Variants in FRMPD2 observed in about 807,000 individuals in gnomAD.
The protein encoded by FRMPD2 is FERM and PDZ domain-containing protein 2.
A neutral mutation model predicts 140.1 loss-of-function variants in FRMPD2; 96 were observed. That is an observed-to-expected ratio of 0.69 (90% CI 0.58 to 0.81). The LOEUF (loss-of-function observed/expected upper bound fraction) is 0.81, where lower values mean the gene tolerates loss of function less well. Among genes scored for constraint, FRMPD2 ranks in the 40% least tolerant of loss-of-function variants. The probability of loss-of-function intolerance (pLI) is 0.00; values close to 1 mark genes in which losing one functional copy is unlikely to be tolerated. For missense variants in FRMPD2, 1,240 were observed against 1,447.4 expected (o/e 0.86, Z 2.32); for synonymous variants, 449 against 547.6 (o/e 0.82, Z 2.52).
At chr10:48,243,847 C>G (rs1840182876) in intron 4 of FRMPD2, among the ~76,000 whole-genome samples, 1 of 152,182 alleles carries the variant, frequency 6.6e-6, no homozygotes, top group African/African-American at 2.4e-5. Context: ...CTAGCCAGGT[C>G]AGCTAGGCAG....
At chr10:48,249,246 G>T in intron 2 of FRMPD2, 68 bp from the exon 3 acceptor site, 1 of 1,513,966 alleles carries the variant, frequency 6.6e-7, no homozygotes, top group Non-Finnish European at 9.0e-7. Flanking sequence ...ATGGGACTGT[G>T]CCCAGCAGGT....
At chr10:48,212,147 A>G in intron 12 of FRMPD2, 38 bp from the exon 13 acceptor site, 1 of 1,605,044 alleles carries the variant, frequency 6.2e-7, no homozygotes, top group Non-Finnish European at 8.5e-7. Flanking sequence ...CACAATCCAG[A>G]CACTGGCCGG....
chr10:48,199,960 A>G (rs1252375163), intron 15 of FRMPD2: 3 of 152,142 alleles, frequency 2.0e-5, no homozygotes, highest in African/African-American at 7.2e-5. Flanking sequence ...TATTCTAGAT[A>G]ATGGAGCTCT....
intron 1 of FRMPD2, among the ~76,000 whole-genome samples, chr10:48,254,968 T>C (rs1840460185): frequency 6.6e-6 from 1 of 152,198 alleles, no homozygotes; most frequent in African/African-American, 2.4e-5. Context: ...CATGGTCTGG[T>C]GGGCTGTATC....
chr10:48,218,417 T>C (rs1017266880), intron 12 of FRMPD2, among the ~76,000 whole-genome samples: 1 of 152,178 alleles, frequency 6.6e-6, no homozygotes, highest in African/African-American at 2.4e-5. Context: ...GTGGTGGACA[T>C]GTATTTCTGG....
At chr10:48,229,363 A>G (rs942903511) in intron 10 of FRMPD2, among the ~76,000 whole-genome samples, 3 of 152,142 alleles carry the variant, frequency 2.0e-5, no homozygotes, top group Non-Finnish European at 4.4e-5. Flanking sequence ...TTCTACTTTG[A>G]TCAAGGGTTT....
chr10:48,222,803 C>T (rs535667434), intron 11 of FRMPD2, among the ~76,000 whole-genome samples: 1 of 152,132 alleles, frequency 6.6e-6, no homozygotes, highest in African/African-American at 2.4e-5. Context: ...TCCTCCAACC[C>T]TCATGACTGG....
intron 13 of FRMPD2, among the ~76,000 whole-genome samples, chr10:48,207,746 A>G (rs540428439): frequency 6.6e-6 from 1 of 152,318 alleles, no homozygotes; most frequent in East Asian, 1.9e-4. Flanking sequence ...TGCTCCAGGC[A>G]TTTGAAGCCC....
chr10:48,234,149 G>T (rs577554440), intron 9 of FRMPD2, among the ~76,000 whole-genome samples: 5 of 152,324 alleles, frequency 3.3e-5, no homozygotes, highest in African/African-American at 1.2e-4. Flanking sequence ...GGGGCATGGT[G>T]CATGGATCCA....
Position 48,178,106 on chromosome 10 carries a change from C to T in FRMPD2, c.2836G>A (p.Gly946Ser). Residue 946 changes from glycine to serine, a missense_variant, in exon 22 of 29, where the codon GGT (glycine) becomes AGT (serine). Gly to Ser is a moderately conservative substitution (Grantham distance 56, BLOSUM62 0). Around this residue, in one of 6 missense-constraint regions of FRMPD2, gnomAD observed 25 missense variants for 41.5 expected, o/e 0.60. Transcript: ENST00000374201. ...ACCAGTTCCACAAAGTAGATTTCAC[C>T]AGCACTGATTTCTGGAGGTGATGGA... ...CPPSPPEISA[G>S]EIYFVELVKE... The T allele has an allele frequency of 6.3e-7, 1 of 1,599,620 alleles. No individual in the cohort carries two copies. Among genetic ancestry groups the T allele is most frequent in the Middle Eastern group, 2.3e-4 (1 of 4,406 alleles).
intron 14 of FRMPD2, 57 bp downstream of exon 14, chr10:48,206,691 G>T: frequency 6.8e-7 from 1 of 1,465,828 alleles, no homozygotes; most frequent in Non-Finnish European, 9.5e-7. Flanking sequence ...CCTTTAAACG[G>T]CCAACAAATC....
chr10:48,192,210 G>A (rs191342775), intron 16 of FRMPD2, among the ~76,000 whole-genome samples: 317 of 152,266 alleles, frequency 2.1e-3, no homozygotes, highest in Non-Finnish European at 3.9e-3. Flanking sequence ...CCCATAGATG[G>A]CCTTCTGTAA....
At chr10:48,270,003 C>A (rs754810309) in intron 1 of FRMPD2, among the ~76,000 whole-genome samples, 5 of 152,120 alleles carry the variant, frequency 3.3e-5, no homozygotes, top group African/African-American at 7.2e-5. Flanking sequence ...AGCTATACAG[C>A]CAGCTGGGAT....
Position 48,240,494 on chromosome 10 carries a change from TGG to T in FRMPD2, c.568-4_568-3del. ...TTCCTCCACAACTCTTTTCTCCACC[TGG>T]GGGTCAAGTGCATCACACATCCACA... is the stretch of plus-strand genomic sequence containing the variant. On this transcript the variant is annotated splice_polypyrimidine_tract_variant and splice_region_variant and intron_variant, in intron 5 of 28. Coordinates refer to ENST00000374201, the MANE Select transcript of FRMPD2 (RefSeq NM_001018071.4). 1.2e-6 allele frequency: 2 copies of T among 1,613,674 alleles called. No individual in the cohort carries two copies. The highest frequency in any genetic ancestry group is 2.2e-5 in the South Asian group (2 of 91,088).
At chr10:48,188,994 C>T (rs1342233274) in intron 16 of FRMPD2, among the ~76,000 whole-genome samples, 1 of 152,118 alleles carries the variant, frequency 6.6e-6, no homozygotes, top group Non-Finnish European at 1.5e-5. Flanking sequence ...GGACAGAGCT[C>T]TGGGGATGGA....
At chr10:48,259,899 G>A (rs898134927) in intron 1 of FRMPD2, among the ~76,000 whole-genome samples, 28 of 151,980 alleles carry the variant, frequency 1.8e-4, no homozygotes, top group Admixed American at 6.6e-5. Flanking sequence ...AGAAGGGAGA[G>A]AAAAACAAGA....
chr10:48,238,239 C>T, intron 7 of FRMPD2, 116 bp from the exon 8 acceptor site: 1 of 1,028,812 alleles, frequency 9.7e-7, no homozygotes, highest in South Asian at 1.6e-5. Context: ...ATGCATGTCA[C>T]CTTCTCCCCC....
intron 14 of FRMPD2, among the ~76,000 whole-genome samples, chr10:48,204,698 T>C (rs1305919219): frequency 6.6e-6 from 1 of 152,252 alleles, no homozygotes; most frequent in Non-Finnish European, 1.5e-5. Context: ...TTTCTCATTC[T>C]GAATAAATAT....
intron 15 of FRMPD2, among the ~76,000 whole-genome samples, chr10:48,198,691 T>C (rs1010063051): frequency 4.6e-5 from 7 of 152,364 alleles, no homozygotes; most frequent in South Asian, 2.1e-4. Context: ...TTTACAACAT[T>C]GATTCTTCCA....
Sources: gnomAD v4.1 joint callset for allele counts (sites outside exome capture counted in the v4.1 genomes callset) on GRCh38, gnomAD v4.1.1 for gene constraint, gnomAD v4.1.1 regional missense constraint, MANE v1.5 for transcripts, NCBI Gene and HGNC (gene_info 2026-07-23, HGNC 2026-07-21) for gene names.